OTULIN: variants seen among roughly 807,000 people sequenced by gnomAD.
OTULIN encodes the protein OTU deubiquitinase with linear linkage specificity, also known as ubiquitin thioesterase otulin.
In OTULIN, 15 loss-of-function variants were observed where a neutral mutation model predicts 39.6. The observed-to-expected ratio is 0.38, with a 90% CI of 0.25 to 0.58. OTULIN has a LOEUF of 0.58. OTULIN is among the 20% of genes least tolerant of loss of function. The probability of loss-of-function intolerance (pLI) is 0.66; values close to 1 mark genes in which losing one functional copy is unlikely to be tolerated. For synonymous variants in OTULIN, 156 were observed against 170.3 expected (o/e 0.92, Z 0.65); for missense variants, 319 against 445.9 (o/e 0.72, Z 2.56).
At chr5:14,703,227 A>G (rs1736834716), downstream of OTULIN, among the ~76,000 whole-genome samples, 1 of 150,564 alleles carries the variant, frequency 6.6e-6, no homozygotes, top group Non-Finnish European at 1.5e-5. Flanking sequence ...ACTGTTTTAT[A>G]TTGTCCAGGT....
At position 14,698,184 on chromosome 5, in the gene OTULIN, A is replaced by G. The variant is rs1191265326; in HGVS notation, c.*5136A>G. The G allele has an allele frequency of 6.6e-6, 1 of 152,216 alleles. No individual in the cohort carries two copies. Among genetic ancestry groups the G allele is most frequent in the Admixed American group, 6.5e-5 (1 of 15,286 alleles). The allele number at this position is 152,216 out of a possible 1,614,324, so 9.4% of individuals were successfully genotyped here. A position where few individuals can be genotyped will look rare whatever the true frequency, so the allele number is the denominator to read the frequency against. On this transcript the variant is annotated 3_prime_UTR_variant, in exon 7 of 7. Coordinates refer to ENST00000284274, the MANE Select transcript of OTULIN (RefSeq NM_138348.6). ...TTTTTGTATTATGAATTTGGAGAGG[A>G]TAACAAGCCAACTTTAGACCCTCTG...
intron 6 of OTULIN, among the ~76,000 whole-genome samples, chr5:14,692,080 C>CATAT (rs1561002900): frequency 1.3e-5 from 2 of 151,986 alleles, no homozygotes; most frequent in African/African-American, 4.8e-5. Flanking sequence ...TTTATGTGAA[C>CATAT]ATATGTTTGT....
intron 3 of OTULIN, among the ~76,000 whole-genome samples, chr5:14,680,338 A>G (rs933914510): frequency 6.6e-6 from 1 of 152,158 alleles, no homozygotes; most frequent in African/African-American, 2.4e-5. Context: ...ACATCATCCT[A>G]TGACTTGAAC....
chr5:14,693,185 G>A lies in OTULIN; in HGVS notation c.*137G>A. The stretch of plus-strand genomic sequence containing the variant: ...GGCCCCTGGGAGCCAAGTTGGACAG[G>A]ATGTCCTGAAGACTAGCTTTTGATA... On this transcript the variant is annotated 3_prime_UTR_variant, in exon 7 of 7. Coordinates refer to ENST00000284274, the MANE Select transcript of OTULIN (RefSeq NM_138348.6). 1.4e-6 allele frequency: 1 copy of A among 729,510 alleles called. No homozygotes were observed. The highest frequency in any genetic ancestry group is 2.7e-5 in the East Asian group (1 of 36,602). The allele number at this position is 729,510 out of a possible 1,614,324, so 45.2% of individuals were successfully genotyped here.
chr5:14,683,735 G>T (rs1290557260), intron 4 of OTULIN, among the ~76,000 whole-genome samples: 1 of 152,136 alleles, frequency 6.6e-6, no homozygotes, highest in Non-Finnish European at 1.5e-5. Flanking sequence ...TACCTTTAAG[G>T]AGCTATTTGG....
At chr5:14,700,068 C>A (rs929812479), downstream of OTULIN, among the ~76,000 whole-genome samples, 1 of 152,196 alleles carries the variant, frequency 6.6e-6, no homozygotes, top group Non-Finnish European at 1.5e-5. Flanking sequence ...GTCTGACTTG[C>A]GTTTCTTGAG....
the OTULIN span, chr5:14,711,407 C>T: frequency 1.9e-6 from 2 of 1,057,972 alleles, no homozygotes; most frequent in Non-Finnish European, 2.9e-6. Context: ...TTGGGGGACC[C>T]CTCACTGTAG....
intron 4 of OTULIN, among the ~76,000 whole-genome samples, chr5:14,687,152 T>C (rs564984425): frequency 2.0e-5 from 3 of 152,226 alleles, no homozygotes; most frequent in African/African-American, 7.2e-5. Flanking sequence ...TCCCGAGCCA[T>C]GTGTTAGGTG....
In OTULIN at chr5:14,690,282, G is replaced by A. The variant is rs770769344; in HGVS notation, c.838G>A (p.Val280Met). The A allele has an allele frequency of 2.5e-6, 4 of 1,614,110 alleles. No individual in the cohort carries two copies. Among genetic ancestry groups the A allele is most frequent in the South Asian group, 1.1e-5 (1 of 91,080 alleles). ...GCTTCTGAGGAACCACCTCAACCAG[G>A]TGGGACACACTGGTGGTCTTGAACA... ...GQLLRNHLNQ[V>M]GHTGGLEQVE... The change falls in exon 6 of 7, where the codon GTG becomes ATG. Residue 280 changes from valine (V) to methionine (M), a missense_variant. Val to Met is a conservative substitution (Grantham distance 21, BLOSUM62 1). Around this residue, in one of 4 missense-constraint regions of OTULIN, gnomAD observed 106 missense variants for 192.8 expected, o/e 0.55. Coordinates refer to ENST00000284274, the MANE Select transcript of OTULIN (RefSeq NM_138348.6). The surrounding 1 kb of genome is among the most constrained non-coding windows in gnomAD (Gnocchi z 4.5).
chr5:14,712,250 C>T, the OTULIN span, among the ~76,000 whole-genome samples: 747 of 152,352 alleles, frequency 4.9e-3, 18 homozygotes, highest in East Asian at 0.035. Flanking sequence ...GTGGCCTGGC[C>T]GTCACTCTGC....
intron 2 of OTULIN, among the ~76,000 whole-genome samples, chr5:14,677,755 T>C (rs1736142242): frequency 2.6e-5 from 4 of 152,222 alleles, no homozygotes; most frequent in Admixed American, 2.6e-4. Context: ...TCGACCACTT[T>C]TAGGTTTTTG....
At position 14,678,806 on chromosome 5, in the gene OTULIN, C is replaced by G. The variant is rs1351879539; in HGVS notation, c.324+31C>G. 3 of 1,429,020 alleles carry G rather than the reference C, an allele frequency of 2.1e-6. No homozygotes were observed. The East Asian group carries it at 7.0e-5, about 33-fold the overall frequency. 88.5% of individuals were successfully genotyped at this position (1,429,020 alleles called of 1,614,324 possible). ...ACACAGAGGTGCACATATTTCAGGT[C>G]TTTCAAATAGTCTATCATAAGTTGT... On this transcript the variant is annotated intron_variant, in intron 3 of 6. Coordinates refer to ENST00000284274, the MANE Select transcript of OTULIN (RefSeq NM_138348.6).
Position 14,693,285 on chromosome 5 carries a change from T to C in OTULIN, c.*237T>C, listed in dbSNP as rs192386213. On this transcript the variant is annotated 3_prime_UTR_variant, in exon 7 of 7. Transcript: ENST00000284274. ...GTGGGGGCCTTCAGAGCACACCTGTTGGACGGTGCAAACCATATCTTCTCC... is the reference window on the plus strand; with the variant it reads ...GTGGGGGCCTTCAGAGCACACCTGTCGGACGGTGCAAACCATATCTTCTCC... 5.2e-5 allele frequency: 24 copies of C among 459,330 alleles called. No individual in the cohort carries two copies. The highest frequency in any genetic ancestry group is 3.9e-4 in the African/African-American group (20 of 51,442). 28.5% of individuals were successfully genotyped at this position (459,330 alleles called of 1,614,324 possible). A position where few individuals can be genotyped will look rare whatever the true frequency, so the allele number is the denominator to read the frequency against.
downstream of OTULIN, among the ~76,000 whole-genome samples, chr5:14,700,819 C>T (rs1579985779): frequency 6.6e-6 from 1 of 152,140 alleles, no homozygotes; most frequent in South Asian, 2.1e-4. Context: ...GAGACCTTCT[C>T]CTACCCCTGG....
chr5:14,665,837 A>G (rs1735825628), intron 1 of OTULIN, among the ~76,000 whole-genome samples: 2 of 152,250 alleles, frequency 1.3e-5, no homozygotes, highest in African/African-American at 4.8e-5. Context: ...ATATTGTGTT[A>G]TAATAACATA....
chr5:14,692,503 T>C lies in OTULIN; in HGVS notation c.865-351T>C, dbSNP rs1736554469. On this transcript the variant is annotated intron_variant, in intron 6 of 6. Transcript: ENST00000284274. ...CTAATGACTCACAACGTTGAGCATC[T>C]TTTCATGTGCTTTCTTGGTCACTTG... 2.0e-5 allele frequency among the ~76,000 whole-genome samples: 3 copies of C among 152,340 alleles called. No individual in the cohort carries two copies. The South Asian group carries it at 6.2e-4, about 32-fold the overall frequency.
the OTULIN span, chr5:14,706,889 G>A: frequency 6.6e-6 from 1 of 152,238 alleles, no homozygotes; most frequent in Admixed American, 6.5e-5. Flanking sequence ...CTGTGTGTGA[G>A]GGCGATGTCT....
chr5:14,682,688 A>G (rs1736285430), intron 4 of OTULIN, among the ~76,000 whole-genome samples: 1 of 152,194 alleles, frequency 6.6e-6, no homozygotes, highest in Non-Finnish European at 1.5e-5. Flanking sequence ...ATGGCTAGCA[A>G]TGATCACAAA....
At chr5:14,681,375 C>G in intron 3 of OTULIN, 89 bp from the exon 4 acceptor site, 1 of 1,486,166 alleles carries the variant, frequency 6.7e-7, no homozygotes, top group Non-Finnish European at 9.0e-7. Flanking sequence ...CCAGTGATCC[C>G]AGGCCAAGCT....
Sources: gnomAD v4.1 joint callset for allele counts (sites outside exome capture counted in the v4.1 genomes callset) on GRCh38, gnomAD v4.1.1 for gene constraint, gnomAD v4.1.1 regional missense constraint, Gnocchi (gnomAD v3.1) non-coding constraint, MANE v1.5 for transcripts, NCBI Gene and HGNC (gene_info 2026-07-23, HGNC 2026-07-21) for gene names.